Variants in ADCY3 observed in about 807,000 individuals in gnomAD.
ADCY3 encodes adenylate cyclase 3.
In ADCY3, 70 loss-of-function variants were observed where a neutral mutation model predicts 119.4. The observed-to-expected ratio is 0.59, with a 90% CI of 0.48 to 0.72. ADCY3 has a LOEUF of 0.72. Among genes scored for constraint, ADCY3 ranks in the 30% least tolerant of loss-of-function variants. The probability of loss-of-function intolerance (pLI) is 0.00; values close to 1 mark genes in which losing one functional copy is unlikely to be tolerated. For synonymous variants in ADCY3, 672 were observed against 621.4 expected (o/e 1.08, Z -1.21); for missense variants, 1,238 against 1,541.6 (o/e 0.80, Z 3.30).
chr2:24,843,603 A>AAGATG (rs2148595885), intron 3 of ADCY3, among the ~76,000 whole-genome samples: 1 of 152,364 alleles, frequency 6.6e-6, no homozygotes, highest in South Asian at 2.1e-4. Flanking sequence ...CACAGAGCCA[A>AAGATG]AGATATTTAC....
At chr2:24,843,776 TG>T (rs1671336342) in intron 3 of ADCY3, among the ~76,000 whole-genome samples, 1 of 152,168 alleles carries the variant, frequency 6.6e-6, no homozygotes, top group South Asian at 2.1e-4. Context: ...GGAGAGGCAG[TG>T]GGCTGAACCA....
chr2:24,842,796 G>T lies in ADCY3; in HGVS notation c.826-412C>A, dbSNP rs772410256. ...GCCATCGCTCACAAAATTCTGCTTT[G>T]ACCTGATCAAAGACTGACAGCAGAC... is the stretch of plus-strand genomic sequence containing the variant. On this transcript the variant is annotated intron_variant, in intron 3 of 21. Coordinates refer to ENST00000679454, the MANE Select transcript of ADCY3 (RefSeq NM_004036.5). This position sits in a 1 kb window ranked among gnomAD's most constrained non-coding sequence, Gnocchi z 4.9. Among the ~76,000 whole-genome samples the T allele has an allele frequency of 1.4e-4, 22 of 152,180 alleles. No homozygotes were observed. The highest frequency in any genetic ancestry group is 1.0e-3 in the South Asian group (5 of 4,832).
At chr2:24,879,949 C>T (rs1676197063) in intron 2 of ADCY3, among the ~76,000 whole-genome samples, 1 of 152,234 alleles carries the variant, frequency 6.6e-6, no homozygotes, top group South Asian at 2.1e-4. Context: ...CTCTCCCATG[C>T]TGCCTTGGGC....
intron 20 of ADCY3, 40 bp from the exon 21 acceptor site, chr2:24,820,888 C>T (rs773335189): frequency 1.2e-6 from 2 of 1,607,888 alleles, no homozygotes; most frequent in Non-Finnish European, 1.7e-6. Flanking sequence ...CCACAGGCCA[C>T]ACCTTGTTAT....
In ADCY3 at chr2:24,920,011, G is replaced by C. The variant is rs1664913075; in HGVS notation, c.-526C>G. On this transcript the variant is annotated 5_prime_UTR_variant, in exon 1 of 22. Coordinates refer to ENST00000679454, the MANE Select transcript of ADCY3 (RefSeq NM_004036.5). The surrounding 1 kb of genome is among the most constrained non-coding windows in gnomAD (Gnocchi z 4.5). ...GGCCGTGCGGGGGCCGGCAGGCGCG[G>C]GCGGCGGCGAGCGCGGCTCTCCGGA... Among the ~76,000 whole-genome samples, 1 of 147,514 alleles carries C rather than the reference G, an allele frequency of 6.8e-6. No individual in the cohort carries two copies. The highest frequency in any genetic ancestry group is 2.1e-4 in the South Asian group (1 of 4,832).
At chr2:24,880,148 A>G (rs947630970) in intron 2 of ADCY3, among the ~76,000 whole-genome samples, 5 of 152,228 alleles carry the variant, frequency 3.3e-5, no homozygotes, top group African/African-American at 1.2e-4. Context: ...TAACTTGTGC[A>G]TGCCTTTGGT....
chr2:24,911,509 G>C (rs1200497253), intron 2 of ADCY3, among the ~76,000 whole-genome samples: 1 of 151,744 alleles, frequency 6.6e-6, no homozygotes, highest in Non-Finnish European at 1.5e-5. Flanking sequence ...AATTAGCCAG[G>C]CATGGTGGTG....
chr2:24,915,366 C>T (rs1295723025), intron 2 of ADCY3, among the ~76,000 whole-genome samples: 3 of 152,106 alleles, frequency 2.0e-5, no homozygotes, highest in African/African-American at 7.2e-5. Flanking sequence ...GGCCTGGTCC[C>T]CTGGTTCTTG....
At chr2:24,900,484 A>T (rs1678780439) in intron 2 of ADCY3, among the ~76,000 whole-genome samples, 1 of 152,166 alleles carries the variant, frequency 6.6e-6, no homozygotes, top group South Asian at 2.1e-4. Flanking sequence ...TAGCTACAGA[A>T]TTTCTACCTG....
chr2:24,830,258 T>C (rs1314547475), intron 13 of ADCY3, among the ~76,000 whole-genome samples: 8 of 151,426 alleles, frequency 5.3e-5, no homozygotes, highest in African/African-American at 1.5e-4. Flanking sequence ...CCAGGCTGGT[T>C]TCGAACTCCT....
intron 3 of ADCY3, among the ~76,000 whole-genome samples, chr2:24,848,341 C>T (rs1467723097): frequency 6.6e-6 from 1 of 152,240 alleles, no homozygotes; most frequent in East Asian, 1.9e-4. Flanking sequence ...TTCGGCCCAT[C>T]CCTTCGTTTC....
At chr2:24,895,005 C>CT (rs1678093187) in intron 2 of ADCY3, among the ~76,000 whole-genome samples, 1 of 151,552 alleles carries the variant, frequency 6.6e-6, no homozygotes, top group South Asian at 2.1e-4. Flanking sequence ...CTTTTTTTTC[C>CT]TTTTTGTTTT....
chr2:24,863,045 T>A (rs1483250437), intron 3 of ADCY3, among the ~76,000 whole-genome samples: 1 of 152,140 alleles, frequency 6.6e-6, no homozygotes, highest in African/African-American at 2.4e-5. Context: ...TTAATCAGGA[T>A]AAAACATGGC....
intron 2 of ADCY3, among the ~76,000 whole-genome samples, chr2:24,910,651 C>A (rs1471563704): frequency 7.1e-6 from 1 of 140,018 alleles, no homozygotes; most frequent in Non-Finnish European, 1.5e-5. Flanking sequence ...TATTTCCTTT[C>A]TTTTCTTTTC....
chr2:24,827,467 G>A (rs2289091), intron 15 of ADCY3, 79 bp downstream of exon 15: 50,876 of 1,493,448 alleles, frequency 0.034, 1,326 homozygotes, highest in East Asian at 0.11. Flanking sequence ...GTGAGATCCC[G>A]GGGCTTGGGC....
intron 2 of ADCY3, among the ~76,000 whole-genome samples, chr2:24,877,534 C>A (rs1160836585): frequency 6.6e-6 from 1 of 152,146 alleles, no homozygotes; most frequent in African/African-American, 2.4e-5. Context: ...ACAGAGCAGA[C>A]CAACAGGCAG....
intron 2 of ADCY3, among the ~76,000 whole-genome samples, chr2:24,886,674 A>G (rs901482220): frequency 6.6e-6 from 1 of 152,198 alleles, no homozygotes; most frequent in Non-Finnish European, 1.5e-5. Flanking sequence ...CTCGCCACTC[A>G]TCATCCAGCT....
intron 3 of ADCY3, among the ~76,000 whole-genome samples, chr2:24,867,193 C>T (rs1398725922): frequency 2.6e-5 from 4 of 152,232 alleles, no homozygotes; most frequent in South Asian, 2.1e-4. Context: ...ATTAATGTAA[C>T]GGGAGCAACA....
chr2:24,827,730 C>T (rs1668825289), intron 14 of ADCY3, 122 bp from the exon 15 acceptor site: 1 of 1,413,998 alleles, frequency 7.1e-7, no homozygotes. Flanking sequence ...ATTCTCAGGT[C>T]CTAGCCAAAC....
Sources: gnomAD v4.1 joint callset for allele counts (sites outside exome capture counted in the v4.1 genomes callset) on GRCh38, gnomAD v4.1.1 for gene constraint, Gnocchi (gnomAD v3.1) non-coding constraint, MANE v1.5 for transcripts, NCBI Gene and HGNC (gene_info 2026-07-23, HGNC 2026-07-21) for gene names.